RPS6KA2: variants seen among roughly 807,000 people sequenced by gnomAD.
RPS6KA2 encodes the protein ribosomal protein S6 kinase A2.
RPS6KA2 carries 42 observed loss-of-function variants against 91.8 expected under a neutral mutation model. That is an observed-to-expected ratio of 0.46 (90% CI 0.36 to 0.59). The LOEUF (loss-of-function observed/expected upper bound fraction) is 0.59. RPS6KA2 is among the 20% of genes least tolerant of loss of function. The pLI is 0.00. For missense variants in RPS6KA2, 798 were observed against 978.5 expected, an observed-to-expected ratio of 0.82 and a Z score of 2.46; for synonymous variants, 414 against 393.6, an observed-to-expected ratio of 1.05 and a Z score of -0.61.
At chr6:166,466,832 TC>T in intron 11 of RPS6KA2, among the ~76,000 whole-genome samples, 1 of 152,220 alleles carries the variant, frequency 6.6e-6, no homozygotes, top group East Asian at 1.9e-4. Context: ...ACTCCCTCAC[TC>T]ACTCATTCAC....
intron 6 of RPS6KA2, among the ~76,000 whole-genome samples, chr6:166,501,234 C>CA (rs1200022738): frequency 6.6e-6 from 1 of 152,226 alleles, no homozygotes; most frequent in Non-Finnish European, 1.5e-5. Context: ...AAGAGCCCTC[C>CA]AGACTGCTGT....
chr6:166,482,285 G>T (rs942101042), intron 10 of RPS6KA2, among the ~76,000 whole-genome samples: 2 of 152,204 alleles, frequency 1.3e-5, no homozygotes, highest in African/African-American at 4.8e-5. Flanking sequence ...TGGAAGTCTT[G>T]GTTCTTTCTC....
At chr6:166,414,260 A>C (rs559369635) in intron 19 of RPS6KA2, among the ~76,000 whole-genome samples, 1 of 152,366 alleles carries the variant, frequency 6.6e-6, no homozygotes, top group Non-Finnish European at 1.5e-5. Flanking sequence ...TTCCAAAGGG[A>C]AAAGCTGAAA....
chr6:166,555,342 C>A (rs1448624776), intron 1 of RPS6KA2, among the ~76,000 whole-genome samples: 1 of 152,172 alleles, frequency 6.6e-6, no homozygotes, highest in Admixed American at 6.5e-5. Flanking sequence ...GGCTCTCCGA[C>A]CTTGGAGCCA....
rs533171140 is a variant in RPS6KA2 at position 166,778,019 on chromosome 6, T to G, written c.123+80181A>C. 1.7e-4 allele frequency among the ~76,000 whole-genome samples: 26 copies of G among 152,374 alleles called. 1 individual carries two copies. The South Asian group carries it at 5.4e-3, about 32-fold the overall frequency. On this transcript the variant is annotated intron_variant, in intron 2 of 21. Transcript: ENST00000503859. ...AAGTCAATCTGTAAATTTAATTTAA[T>G]AAAATCATAATCCAAAAAGGACGAT...
At chr6:166,829,522 G>A (rs1099658) in intron 2 of RPS6KA2, among the ~76,000 whole-genome samples, 93,491 of 148,670 alleles carry the variant, frequency 0.63, 29,764 homozygotes, top group Middle Eastern at 0.77. Flanking sequence ...ACCTGGAGGC[G>A]GAGCTTGCAG....
At chr6:166,538,580 C>T (rs1392695061) in intron 2 of RPS6KA2, 88 bp downstream of exon 2, 18 of 741,286 alleles carry the variant, frequency 2.4e-5, no homozygotes, top group Middle Eastern at 2.5e-4. Context: ...AGGTGAGGAC[C>T]GCCTGCAATT....
intron 2 of RPS6KA2, among the ~76,000 whole-genome samples, chr6:166,725,623 G>C (rs1790313231): frequency 6.6e-6 from 1 of 152,260 alleles, no homozygotes; most frequent in Admixed American, 6.5e-5. Flanking sequence ...AAAGGAGTGT[G>C]AAAGGACAAG....
chr6:166,480,176 G>A (rs6930714), intron 10 of RPS6KA2, among the ~76,000 whole-genome samples: 4,340 of 152,034 alleles, frequency 0.029, 230 homozygotes, highest in African/African-American at 0.1. Context: ...CCCTTCACCC[G>A]GAAGTTGGGA....
chr6:166,742,144 A>C (rs946025794), intron 2 of RPS6KA2, among the ~76,000 whole-genome samples: 3 of 152,148 alleles, frequency 2.0e-5, no homozygotes, highest in Non-Finnish European at 4.4e-5. Flanking sequence ...AAAACAAAAA[A>C]CAAAACAAAA....
At chr6:166,625,333 C>T (rs6916039) in intron 1 of RPS6KA2, among the ~76,000 whole-genome samples, 5 of 41,330 alleles carry the variant, frequency 1.2e-4, no homozygotes, top group African/African-American at 2.9e-4. Flanking sequence ...ACCCCCCCAC[C>T]CCCCCCCCCG....
chr6:166,717,720 T>C (rs1790051475), intron 2 of RPS6KA2, among the ~76,000 whole-genome samples: 1 of 152,226 alleles, frequency 6.6e-6, no homozygotes, highest in African/African-American at 2.4e-5. Context: ...CAGGTCAGCA[T>C]GCTGAAATGA....
At chr6:166,668,072 G>C (rs984588267) in intron 2 of RPS6KA2, among the ~76,000 whole-genome samples, 1 of 152,174 alleles carries the variant, frequency 6.6e-6, no homozygotes, top group African/African-American at 2.4e-5. Flanking sequence ...TGTGCAGGGT[G>C]GGGCCAGGGA....
At chr6:166,573,678 G>T (rs1784756164) in intron 1 of RPS6KA2, among the ~76,000 whole-genome samples, 1 of 152,228 alleles carries the variant, frequency 6.6e-6, no homozygotes, top group South Asian at 2.1e-4. Flanking sequence ...CCCATTGACT[G>T]CCAGGGTCGT....
At chr6:166,601,606 T>C (rs1785730935) in intron 1 of RPS6KA2, among the ~76,000 whole-genome samples, 1 of 152,146 alleles carries the variant, frequency 6.6e-6, no homozygotes, top group South Asian at 2.1e-4. Context: ...TCCATCCTTA[T>C]AGGGAATTGT....
At position 166,421,853 on chromosome 6, in the gene RPS6KA2, TTAAG is replaced by T. The variant is rs111949044; in HGVS notation, c.1743+1399_1743+1402del. On this transcript the variant is annotated intron_variant, in intron 17 of 20. Transcript: ENST00000265678. ...ATAATATTATCAATATTAATATTGATTAAGTAAGGCATGAACAGAGGCTTATAAC... is the reference window on the plus strand; with the variant it reads ...ATAATATTATCAATATTAATATTGATTAAGGCATGAACAGAGGCTTATAAC... Among the ~76,000 whole-genome samples, 1,373 of 152,322 alleles carry T rather than the reference TTAAG, an allele frequency of 9.0e-3. 16 individuals carry two copies. The highest frequency in any genetic ancestry group is 0.029 in the African/African-American group (1,213 of 41,558).
chr6:166,765,305 A>G (rs1442506979), intron 2 of RPS6KA2, among the ~76,000 whole-genome samples: 1 of 152,188 alleles, frequency 6.6e-6, no homozygotes, highest in Non-Finnish European at 1.5e-5. Context: ...AGGTGCGTCC[A>G]GCACACCGGC....
chr6:166,518,471 G>A (rs994434215), intron 3 of RPS6KA2, among the ~76,000 whole-genome samples: 1 of 151,864 alleles, frequency 6.6e-6, no homozygotes. Flanking sequence ...CAGAAAAAAG[G>A]TCAAAAGCCA....
chr6:166,559,638 T>G (rs745797176), intron 1 of RPS6KA2, among the ~76,000 whole-genome samples: 17 of 152,160 alleles, frequency 1.1e-4, no homozygotes, highest in Non-Finnish European at 2.2e-4. Context: ...CTCTCCCCTA[T>G]CCAGAATCCG....
Sources: gnomAD v4.1 joint callset for allele counts (sites outside exome capture counted in the v4.1 genomes callset) on GRCh38, gnomAD v4.1.1 for gene constraint, MANE v1.5 for transcripts, NCBI Gene and HGNC (gene_info 2026-07-23, HGNC 2026-07-21) for gene names.